Variants in SLC24A3 observed in about 807,000 individuals in gnomAD.
SLC24A3 encodes solute carrier family 24 member 3, also known as sodium/potassium/calcium exchanger 3.
SLC24A3 carries 28 observed loss-of-function variants against 75.8 expected under a neutral mutation model. That is an observed-to-expected ratio of 0.37 (90% CI 0.27 to 0.51). The LOEUF is 0.51. Ranked by LOEUF, SLC24A3 falls within the 20% of genes least tolerant of loss-of-function variation. SLC24A3 has a pLI of 0.94. For missense variants in SLC24A3, 663 were observed against 847.8 expected (o/e 0.78, Z 2.71); for synonymous variants, 372 against 334.1 (o/e 1.11, Z -1.24).
intron 15 of SLC24A3, among the ~76,000 whole-genome samples, chr20:19,717,267 A>G (rs553840349): frequency 6.6e-5 from 10 of 152,226 alleles, no homozygotes; most frequent in Admixed American, 3.9e-4. Context: ...GGGGCACTCC[A>G]GCCAGGGGCC....
At chr20:19,349,837 C>G (rs1305327177) in intron 2 of SLC24A3, among the ~76,000 whole-genome samples, 2 of 152,256 alleles carry the variant, frequency 1.3e-5, no homozygotes, top group African/African-American at 4.8e-5. Context: ...CTTTCCAACT[C>G]TCTGGCTGCT....
At chr20:19,676,599 A>G (rs1232898921) in intron 9 of SLC24A3, among the ~76,000 whole-genome samples, 6 of 152,272 alleles carry the variant, frequency 3.9e-5, no homozygotes, top group African/African-American at 1.4e-4. Context: ...AATTAAAAAT[A>G]TAAAACAGCA....
chr20:19,386,379 ACTT>A (rs1986273413), intron 2 of SLC24A3, among the ~76,000 whole-genome samples: 1 of 152,170 alleles, frequency 6.6e-6, no homozygotes, highest in Non-Finnish European at 1.5e-5. Flanking sequence ...AGACAATTTA[ACTT>A]CTTCTTTTTC....
At chr20:19,490,516 G>C (rs1437771903) in intron 2 of SLC24A3, among the ~76,000 whole-genome samples, 1 of 152,164 alleles carries the variant, frequency 6.6e-6, no homozygotes, top group Non-Finnish European at 1.5e-5. Flanking sequence ...GCGGCTTTAG[G>C]TGCAGTGGTA....
At chr20:19,486,408 T>C (rs1348431100) in intron 2 of SLC24A3, among the ~76,000 whole-genome samples, 2 of 152,168 alleles carry the variant, frequency 1.3e-5, no homozygotes, top group Non-Finnish European at 2.9e-5. Flanking sequence ...CCTAGAACAG[T>C]ACACCAAAAG....
chr20:19,649,585 TTTTTG>T (rs1167666283), intron 6 of SLC24A3, among the ~76,000 whole-genome samples: 4 of 152,286 alleles, frequency 2.6e-5, no homozygotes, highest in African/African-American at 7.2e-5. Flanking sequence ...TGGTCACTGT[TTTTTG>T]TTTTTTTTGT....
chr20:19,475,996 A>C (rs1477533042), intron 2 of SLC24A3, among the ~76,000 whole-genome samples: 1 of 152,258 alleles, frequency 6.6e-6, no homozygotes, highest in Non-Finnish European at 1.5e-5. Context: ...TGGCCAAATC[A>C]GACAGAAGGA....
intron 2 of SLC24A3, among the ~76,000 whole-genome samples, chr20:19,509,007 A>G (rs1158892928): frequency 6.6e-6 from 1 of 152,276 alleles, no homozygotes; most frequent in African/African-American, 2.4e-5. Context: ...CATCAAGACC[A>G]GAGATGAATG....
At chr20:19,698,534 C>A in intron 14 of SLC24A3, 34 bp from the exon 15 acceptor site, 1 of 1,537,112 alleles carries the variant, frequency 6.5e-7, no homozygotes, top group East Asian at 2.4e-5. Flanking sequence ...CCTGGGTTCC[C>A]TTCCCTCTCT....
At chr20:19,326,868 C>T (rs1426259355) in intron 2 of SLC24A3, among the ~76,000 whole-genome samples, 1 of 152,128 alleles carries the variant, frequency 6.6e-6, no homozygotes, top group Non-Finnish European at 1.5e-5. Flanking sequence ...TTTTAAAATA[C>T]AGAACAAAGC....
intron 2 of SLC24A3, among the ~76,000 whole-genome samples, chr20:19,400,890 A>C (rs1432271338): frequency 1.3e-5 from 2 of 151,966 alleles, no homozygotes; most frequent in Non-Finnish European, 2.9e-5. Context: ...TTGCTTATTT[A>C]TTTATTTTTG....
chr20:19,703,367 G>A (rs1403844944), intron 15 of SLC24A3, among the ~76,000 whole-genome samples: 1 of 152,184 alleles, frequency 6.6e-6, no homozygotes, highest in Non-Finnish European at 1.5e-5. Context: ...TAGAATCTGA[G>A]TTTAAGACCT....
chr20:19,222,194 A>G (rs934836433), intron 1 of SLC24A3, among the ~76,000 whole-genome samples: 1 of 152,170 alleles, frequency 6.6e-6, no homozygotes, highest in African/African-American at 2.4e-5. Flanking sequence ...CAGTGGTACA[A>G]TATCATCTCC....
intron 2 of SLC24A3, among the ~76,000 whole-genome samples, chr20:19,357,166 C>T (rs556051256): frequency 6.6e-6 from 1 of 152,168 alleles, no homozygotes; most frequent in African/African-American, 2.4e-5. Context: ...AAGGTGGAGG[C>T]AGAGATTGGG....
intron 7 of SLC24A3, among the ~76,000 whole-genome samples, chr20:19,659,609 C>A (rs2032303974): frequency 1.3e-5 from 2 of 152,188 alleles, no homozygotes; most frequent in Non-Finnish European, 2.9e-5. Context: ...ACTATGCAAG[C>A]AAGCTATTTT....
intron 6 of SLC24A3, among the ~76,000 whole-genome samples, chr20:19,623,777 T>C (rs1457220594): frequency 6.6e-6 from 1 of 152,138 alleles, no homozygotes; most frequent in African/African-American, 2.4e-5. Context: ...GGGTGGAGAA[T>C]GGGCCTGCCA....
rs184536260 is a variant in SLC24A3, at chr20:19,666,411, C to T, written c.713+522C>T. Among the ~76,000 whole-genome samples the T allele has an allele frequency of 3.5e-3, 528 of 152,090 alleles. 1 individual carries two copies. Among genetic ancestry groups the T allele is most frequent in the African/African-American group, 0.012 (483 of 41,466 alleles). ...GTCCCAGCTACTCAAGAGGCTGAGG[C>T]AGGAGAATGGCATGAACCTAGGAGG... On this transcript the variant is annotated intron_variant, in intron 8 of 16. Coordinates refer to ENST00000328041, the MANE Select transcript of SLC24A3 (RefSeq NM_020689.4).
chr20:19,278,859 T>C (rs1407912568), intron 1 of SLC24A3, among the ~76,000 whole-genome samples: 1 of 152,204 alleles, frequency 6.6e-6, no homozygotes, highest in Non-Finnish European at 1.5e-5. Context: ...GGAAGCAGGG[T>C]CTGTGTTTGA....
chr20:19,617,965 C>T (rs1185907384), intron 6 of SLC24A3, among the ~76,000 whole-genome samples: 2 of 152,018 alleles, frequency 1.3e-5, no homozygotes, highest in Non-Finnish European at 2.9e-5. Context: ...TAAATGATCT[C>T]ATTTCAGGTT....
Sources: allele counts gnomAD v4.1 joint callset (sites outside exome capture counted in the v4.1 genomes callset), GRCh38; gene constraint gnomAD v4.1.1; transcripts MANE v1.5; gene names NCBI Gene and HGNC (gene_info 2026-07-23, HGNC 2026-07-21).